HIVEP1: variants seen among roughly 807,000 people sequenced by gnomAD.
HIVEP1 encodes zinc finger protein 40.
In HIVEP1, 36 loss-of-function variants were observed where a neutral mutation model predicts 180.0. That is an observed-to-expected ratio of 0.20 (90% CI 0.15 to 0.26). The LOEUF is 0.26. HIVEP1 is among the 10% of genes least tolerant of loss of function. The pLI is 1.00. For missense variants in HIVEP1, 3,143 were observed against 3,268.7 expected (o/e 0.96, Z 0.94); for synonymous variants, 1,239 against 1,239.0 (o/e 1.00, Z 0.00).
At chr6:12,093,824 T>G (rs1427999619) in intron 3 of HIVEP1, among the ~76,000 whole-genome samples, 2 of 152,094 alleles carry the variant, frequency 1.3e-5, no homozygotes, top group Non-Finnish European at 2.9e-5. Context: ...TAGTATATAC[T>G]ATATACAGTA....
intron 2 of HIVEP1, among the ~76,000 whole-genome samples, chr6:12,034,622 GT>G (rs535078458): frequency 2.1e-4 from 32 of 152,318 alleles, no homozygotes; most frequent in African/African-American, 7.5e-4. Flanking sequence ...GGAGAACAGT[GT>G]TTTCTGATTC....
In HIVEP1 at chr6:12,119,948, A is replaced by G; in HGVS notation, c.153A>G (p.Lys51=). ...TSESLKGVKR[K]KIVAENHLKK... The stretch of plus-strand genomic sequence containing the variant: ...AATCCCTTAAAGGTGTGAAACGCAA[A>G]AAGATCGTAGCTGAGAATCACCTGA... Residue 51 remains lysine, a synonymous_variant, in exon 4 of 9, where the codon AAA becomes AAG. Coordinates refer to ENST00000379388, the MANE Select transcript of HIVEP1 (RefSeq NM_002114.4). The G allele has an allele frequency of 6.2e-7, 1 of 1,602,192 alleles. No individual in the cohort carries two copies. The highest frequency in any genetic ancestry group is 8.5e-7 in the Non-Finnish European group (1 of 1,177,002).
chr6:12,071,457 T>C (rs1267466385), intron 2 of HIVEP1, among the ~76,000 whole-genome samples: 1 of 152,348 alleles, frequency 6.6e-6, no homozygotes, highest in East Asian at 1.9e-4. Flanking sequence ...AATATTGTCT[T>C]CCTTTTCCTA....
intron 2 of HIVEP1, among the ~76,000 whole-genome samples, chr6:12,050,993 C>T (rs1234712065): frequency 2.1e-5 from 1 of 48,000 alleles, no homozygotes; most frequent in Non-Finnish European, 4.6e-5. Flanking sequence ...GTAGCAGATA[C>T]ACAAGTGCAT....
downstream of HIVEP1, among the ~76,000 whole-genome samples, chr6:12,168,029 TATATTATATATAC>T (rs1451350759): frequency 2.2e-3 from 136 of 62,416 alleles, 12 homozygotes; most frequent in African/African-American, 0.011. Flanking sequence ...TATATATGTA[TATATTATATATAC>T]ATATACATAT....
At chr6:12,129,550 A>C in intron 4 of HIVEP1, 1 of 655,310 alleles carries the variant, frequency 1.5e-6, no homozygotes, top group Non-Finnish European at 2.9e-6. Context: ...TGGAATTTTA[A>C]ATTAACATAA....
chr6:12,034,092 C>T (rs1769126286), intron 2 of HIVEP1, among the ~76,000 whole-genome samples: 1 of 152,200 alleles, frequency 6.6e-6, no homozygotes, highest in Non-Finnish European at 1.5e-5. Context: ...ATGCCAGTAA[C>T]ATACATGATA....
chr6:12,012,651 CGGCGGGCGGGG>C (rs1767435900), intron 1 of HIVEP1, 85 bp downstream of exon 1: 1 of 112,104 alleles, frequency 8.9e-6, no homozygotes, highest in South Asian at 2.7e-4. Flanking sequence ...CACATCCCTT[CGGCGGGCGGGG>C]GGCGTGCGGG....
the HIVEP1 span, among the ~76,000 whole-genome samples, chr6:12,203,664 A>C: frequency 1.3e-5 from 2 of 152,264 alleles, no homozygotes. Flanking sequence ...AGGCAATGAG[A>C]AAATGAATTG....
At chr6:12,129,203 A>G (rs974513436) in intron 4 of HIVEP1, among the ~76,000 whole-genome samples, 13 of 152,168 alleles carry the variant, frequency 8.5e-5, no homozygotes, top group African/African-American at 2.9e-4. Flanking sequence ...GTAAGACCCC[A>G]TGTCAAAAAA....
At chr6:12,053,113 A>G (rs1770641364) in intron 2 of HIVEP1, among the ~76,000 whole-genome samples, 2 of 152,154 alleles carry the variant, frequency 1.3e-5, no homozygotes, top group Non-Finnish European at 2.9e-5. Flanking sequence ...GCTTTAATTT[A>G]CATCTGTTTT....
chr6:12,068,112 TG>T (rs1391041213), intron 2 of HIVEP1, among the ~76,000 whole-genome samples: 1 of 152,154 alleles, frequency 6.6e-6, no homozygotes, highest in African/African-American at 2.4e-5. Context: ...TTTTTTGAGA[TG>T]GAGTTTCGCC....
chr6:12,083,470 A>G (rs1269371455), intron 2 of HIVEP1, among the ~76,000 whole-genome samples: 2 of 152,136 alleles, frequency 1.3e-5, no homozygotes, highest in Non-Finnish European at 2.9e-5. Flanking sequence ...TGCTCTGTGG[A>G]GTAAGATACA....
intron 2 of HIVEP1, among the ~76,000 whole-genome samples, chr6:12,028,417 A>G (rs1460294439): frequency 1.3e-5 from 2 of 152,260 alleles, no homozygotes; most frequent in East Asian, 3.8e-4. Context: ...GGAAATACTC[A>G]GTTAACATAT....
intron 3 of HIVEP1, among the ~76,000 whole-genome samples, chr6:12,093,455 G>A (rs1205957303): frequency 6.6e-6 from 1 of 150,766 alleles, no homozygotes; most frequent in Non-Finnish European, 1.5e-5. Flanking sequence ...CTATCACAAG[G>A]TCTTAAGTAT....
At chr6:12,200,794 A>T in the HIVEP1 span, among the ~76,000 whole-genome samples, 1 of 152,254 alleles carries the variant, frequency 6.6e-6, no homozygotes, top group African/African-American at 2.4e-5. Flanking sequence ...TTTTATTTTA[A>T]AAATTACACG....
chr6:12,102,515 G>A (rs1368983567), intron 3 of HIVEP1, among the ~76,000 whole-genome samples: 2 of 151,982 alleles, frequency 1.3e-5, no homozygotes, highest in African/African-American at 4.8e-5. Flanking sequence ...CCAAACTTCT[G>A]TTGTACAAAT....
intron 1 of HIVEP1, among the ~76,000 whole-genome samples, chr6:12,014,383 T>A (rs998299803): frequency 1.8e-4 from 27 of 152,234 alleles, no homozygotes; most frequent in African/African-American, 6.0e-4. Flanking sequence ...AATTTTTTTT[T>A]AATCTGTAAA....
chr6:12,097,602 T>C (rs978877532), intron 3 of HIVEP1, among the ~76,000 whole-genome samples: 1 of 152,146 alleles, frequency 6.6e-6, no homozygotes, highest in African/African-American at 2.4e-5. Flanking sequence ...TAATAGACAG[T>C]GAATGCTGTG....
Sources: gnomAD v4.1 joint callset for allele counts (sites outside exome capture counted in the v4.1 genomes callset) on GRCh38, gnomAD v4.1.1 for gene constraint, MANE v1.5 for transcripts, NCBI Gene and HGNC (gene_info 2026-07-23, HGNC 2026-07-21) for gene names.